CDH19: variants seen among roughly 807,000 people sequenced by gnomAD.
The protein encoded by CDH19 is cadherin 19.
In CDH19, 67 loss-of-function variants were observed where a neutral mutation model predicts 64.2. That is an observed-to-expected ratio of 1.04 (90% CI 0.86 to 1.28). CDH19 has a LOEUF of 1.28. Among genes scored for constraint, CDH19 ranks in the 50% most tolerant of loss-of-function variants. CDH19 has a pLI of 0.00. For synonymous variants in CDH19, 346 were observed against 319.3 expected (o/e 1.08, Z -0.89); for missense variants, 1,030 against 929.0 (o/e 1.11, Z -1.41).
chr18:66,566,499 G>A (rs976465920), intron 3 of CDH19, among the ~76,000 whole-genome samples: 36 of 151,666 alleles, frequency 2.4e-4, no homozygotes, highest in Admixed American at 1.8e-3. Context: ...TCCCTGTGGC[G>A]TAACACCTTT....
At chr18:66,563,766 A>G (rs556365921) in intron 3 of CDH19, among the ~76,000 whole-genome samples, 29 of 152,012 alleles carry the variant, frequency 1.9e-4, no homozygotes, top group African/African-American at 7.0e-4. Flanking sequence ...AACAGATAAT[A>G]TTTTCTCACT....
chr18:66,573,906 C>T (rs1988186009), intron 1 of CDH19, among the ~76,000 whole-genome samples: 1 of 150,868 alleles, frequency 6.6e-6, no homozygotes, highest in Admixed American at 6.6e-5. Flanking sequence ...CACACACACA[C>T]ACACACACAC....
In CDH19 at chr18:66,535,909, T is replaced by C. The variant is rs1326771103; in HGVS notation, c.1215-802A>G. On this transcript the variant is annotated intron_variant, in intron 7 of 11. Coordinates refer to ENST00000262150, the MANE Select transcript of CDH19 (RefSeq NM_021153.4). The stretch of plus-strand genomic sequence containing the variant: ...TGTATTTATTTTATATTATATATTT[T>C]TACATATAATATATATGTTTTATAT... Among the ~76,000 whole-genome samples, 3 of 147,300 alleles carry C rather than the reference T, an allele frequency of 2.0e-5. No individual in the cohort carries two copies. The East Asian group carries it at 5.9e-4, about 29-fold the overall frequency.
intron 9 of CDH19, among the ~76,000 whole-genome samples, chr18:66,527,836 T>G (rs1986284931): frequency 6.6e-6 from 1 of 151,744 alleles, no homozygotes; most frequent in Non-Finnish European, 1.5e-5. Flanking sequence ...GTATAGAAGA[T>G]GCAGTAAATT....
intron 9 of CDH19, among the ~76,000 whole-genome samples, chr18:66,526,641 T>C (rs1204293710): frequency 1.3e-5 from 2 of 152,110 alleles, no homozygotes; most frequent in Admixed American, 6.6e-5. Flanking sequence ...TGGTTTTAAA[T>C]GCCTTGAATA....
chr18:66,565,260 C>A (rs1166137447), intron 3 of CDH19, among the ~76,000 whole-genome samples: 1 of 151,884 alleles, frequency 6.6e-6, no homozygotes, highest in African/African-American at 2.4e-5. Context: ...AACATAAATG[C>A]AGTCAGTAAA....
At chr18:66,518,026 A>G (rs2144369965) in intron 9 of CDH19, among the ~76,000 whole-genome samples, 1 of 151,922 alleles carries the variant, frequency 6.6e-6, no homozygotes, top group Middle Eastern at 3.4e-3. Flanking sequence ...TGGCTTTAGA[A>G]CTCCAACAAA....
chr18:66,520,484 A>G (rs183232963), intron 9 of CDH19, among the ~76,000 whole-genome samples: 6 of 151,864 alleles, frequency 4.0e-5, no homozygotes, highest in Middle Eastern at 3.4e-3. Flanking sequence ...AAAATATTGT[A>G]TAATTTTTTC....
chr18:66,569,417 T>A (rs777637932), intron 2 of CDH19, among the ~76,000 whole-genome samples: 60 of 151,640 alleles, frequency 4.0e-4, no homozygotes, highest in Non-Finnish European at 7.7e-4. Context: ...CTATCAAATC[T>A]TCTATGAGGC....
chr18:66,538,277 T>C (rs1986752212), intron 7 of CDH19, among the ~76,000 whole-genome samples: 1 of 152,142 alleles, frequency 6.6e-6, no homozygotes, highest in Non-Finnish European at 1.5e-5. Flanking sequence ...TAAAGTACAT[T>C]TGCAATAGTT....
At position 66,511,601 on chromosome 18, in the gene CDH19, T is replaced by A. The variant is rs757725429; in HGVS notation, c.1543A>T (p.Asn515Tyr). ...FYFNLSVEDTNNSSFTIIDNQ... is the reference protein window; with the variant it reads ...FYFNLSVEDTYNSSFTIIDNQ... ...TCTATGATTGTAAAACTTGAATTGT[T>A]AGTGTCTTCTACAGATAGATTAAAG... The change falls in exon 10 of 12, where the codon AAC (asparagine) becomes TAC (tyrosine). Residue 515 changes from asparagine (N) to tyrosine (Y), a missense_variant. Transcript: ENST00000262150. 4.0e-6 allele frequency: 6 copies of A among 1,501,640 alleles called. No homozygotes were observed. In the South Asian group the frequency reaches 6.8e-5, roughly 17 times the overall value. 93.0% of individuals were successfully genotyped at this position (1,501,640 alleles called of 1,614,324 possible). A position where few individuals can be genotyped will look rare whatever the true frequency, so the allele number is the denominator to read the frequency against.
At chr18:66,573,233 G>C (rs1263464600) in intron 1 of CDH19, among the ~76,000 whole-genome samples, 1 of 151,546 alleles carries the variant, frequency 6.6e-6, no homozygotes. Context: ...GATTCACAAT[G>C]GAGTTTAATG....
Position 66,529,888 on chromosome 18 carries a change from T to C in CDH19, c.1415A>G (p.Gln472Arg). 2 of 1,597,360 alleles carry C rather than the reference T, an allele frequency of 1.3e-6. No homozygotes were observed. Among genetic ancestry groups the C allele is most frequent in the Non-Finnish European group, 1.7e-6 (2 of 1,169,080 alleles). The change falls in exon 9 of 12, where the codon CAA (glutamine) becomes CGA (arginine). Residue 472 changes from glutamine to arginine, a missense_variant. Physicochemically the swap from Gln to Arg is conservative, Grantham distance 43. Transcript: ENST00000262150. The stretch of plus-strand genomic sequence containing the variant: ...TTCACAAACATAAGTCTCATAGTAT[T>C]GAGAGAACTCAGGAGCATGATCATT... ...NINDHAPEFSQYYETYVCENA... is the reference protein window; with the variant it reads ...NINDHAPEFSRYYETYVCENA...
intron 1 of CDH19, among the ~76,000 whole-genome samples, chr18:66,596,873 G>A (rs1188542641): frequency 6.6e-6 from 1 of 151,280 alleles, no homozygotes; most frequent in East Asian, 2.0e-4. Flanking sequence ...ACGAGGTCAG[G>A]AGATCGAGAC....
rs759627014 is a variant in CDH19, at chr18:66,572,061, G to T, written c.144C>A (p.Asn48Lys). The T allele has an allele frequency of 7.4e-6, 12 of 1,611,204 alleles. No homozygotes were observed. The Admixed American group carries it at 1.3e-4, about 18-fold the overall frequency. Residue 48 changes from asparagine to lysine, a missense_variant, in exon 2 of 12, where the codon AAC becomes AAA. Physicochemically the swap from Asn to Lys is moderately conservative, Grantham distance 94 (BLOSUM62 0). Transcript: ENST00000262150. ...TCATTTCCTCTGGTACAAAAAATTG[G>T]TTCCACACCCAGCCACGCTTCACTC... Reference protein sequence around the residue: ...HLRVKRGWVWNQFFVPEEMNT... With the variant: ...HLRVKRGWVWKQFFVPEEMNT...
intron 1 of CDH19, among the ~76,000 whole-genome samples, chr18:66,595,216 T>C (rs965437899): frequency 3.3e-5 from 5 of 151,624 alleles, no homozygotes; most frequent in Admixed American, 2.6e-4. Flanking sequence ...GAAAGTTTAT[T>C]AGTCTTAAAT....
intron 10 of CDH19, among the ~76,000 whole-genome samples, chr18:66,511,198 C>CTG (rs34193253): frequency 0.96 from 146,095 of 151,666 alleles, 70,593 homozygotes; most frequent in East Asian, 1. Context: ...GCTAATATGA[C>CTG]TAACTAAAAT....
At chr18:66,599,966 C>A (rs1264720800) in intron 1 of CDH19, among the ~76,000 whole-genome samples, 1 of 151,808 alleles carries the variant, frequency 6.6e-6, no homozygotes, top group Admixed American at 6.6e-5. Context: ...GGAAAACAGT[C>A]ATGAACGTTT....
At chr18:66,588,830 A>T (rs1402938728) in intron 1 of CDH19, among the ~76,000 whole-genome samples, 1 of 151,666 alleles carries the variant, frequency 6.6e-6, no homozygotes, top group African/African-American at 2.4e-5. Flanking sequence ...ACTGAAGTGG[A>T]ATATATGCAG....
Sources: allele counts gnomAD v4.1 joint callset (sites outside exome capture counted in the v4.1 genomes callset), GRCh38; gene constraint gnomAD v4.1.1; transcripts MANE v1.5; gene names NCBI Gene and HGNC (gene_info 2026-07-23, HGNC 2026-07-21).